INVS: variants seen among roughly 807,000 people sequenced by gnomAD.
INVS encodes inversion of embryo turning homolog.
A neutral mutation model predicts 108.8 loss-of-function variants in INVS; 86 were observed. The observed-to-expected ratio is 0.79, with a 90% CI of 0.66 to 0.95. INVS has a LOEUF of 0.95. Among genes scored for constraint, INVS ranks in the 40% least tolerant of loss-of-function variants. The probability of loss-of-function intolerance (pLI) is 0.00; values close to 1 mark genes in which losing one functional copy is unlikely to be tolerated. For synonymous variants in INVS, 455 were observed against 473.5 expected (o/e 0.96, Z 0.51); for missense variants, 1,169 against 1,297.4 (o/e 0.90, Z 1.52).
chr9:100,253,169 C>T, intron 10 of INVS, 33 bp downstream of exon 10: 1 of 1,514,218 alleles, frequency 6.6e-7, no homozygotes, highest in African/African-American at 1.4e-5. Context: ...ATTGTTTGCT[C>T]CAAAGAATTT....
chr9:100,195,071 G>T (rs1830332235), intron 3 of INVS, among the ~76,000 whole-genome samples: 1 of 152,280 alleles, frequency 6.6e-6, no homozygotes, highest in Admixed American at 6.5e-5. Context: ...TAGTGTCCCT[G>T]CTGCGCCTGC....
At chr9:100,289,538 C>A (rs997443502) in intron 13 of INVS, among the ~76,000 whole-genome samples, 1 of 152,244 alleles carries the variant, frequency 6.6e-6, no homozygotes, top group Admixed American at 6.5e-5. Context: ...TTCCTCTTCT[C>A]GATCACCTGG....
At chr9:100,212,418 T>C (rs1157480765) in intron 3 of INVS, among the ~76,000 whole-genome samples, 1 of 152,214 alleles carries the variant, frequency 6.6e-6, no homozygotes, top group Non-Finnish European at 1.5e-5. Flanking sequence ...ACTATTAATA[T>C]AGATGCCTCA....
chr9:100,132,646 A>T (rs1490428344), intron 3 of INVS, among the ~76,000 whole-genome samples: 1 of 152,228 alleles, frequency 6.6e-6, no homozygotes, highest in African/African-American at 2.4e-5. Context: ...GATGTCAGAG[A>T]TAGAAAGGCT....
intron 3 of INVS, chr9:100,130,702 T>C (rs1426682187): frequency 6.6e-6 from 1 of 152,188 alleles, no homozygotes; most frequent in African/African-American, 2.4e-5. Flanking sequence ...TGCAGAAGTG[T>C]GCTATTTATG....
intron 3 of INVS, among the ~76,000 whole-genome samples, chr9:100,149,361 A>G (rs1351036298): frequency 6.6e-6 from 1 of 152,186 alleles, no homozygotes; most frequent in African/African-American, 2.4e-5. Context: ...CTTATGTCCT[A>G]GAATCTTAAG....
At chr9:100,143,612 G>T (rs73505783) in intron 3 of INVS, among the ~76,000 whole-genome samples, 31,720 of 151,908 alleles carry the variant, frequency 0.21, 5,619 homozygotes, top group African/African-American at 0.49. Context: ...ATGAGGTGTG[G>T]CTGTAGCCCA....
Position 100,229,919 on chromosome 9 carries a change from A to G in INVS, c.615+92A>G, listed in dbSNP as rs919950152. 1.1e-5 allele frequency: 13 copies of G among 1,231,748 alleles called. No homozygotes were observed. In the African/African-American group the frequency reaches 2.0e-4, roughly 19 times the overall value. 76.3% of individuals were successfully genotyped at this position (1,231,748 alleles called of 1,614,324 possible). ...ATACAAAAGTGTATATTTGACGTAC[A>G]AGCAAATTATTAAGCAAAAGAATAC... is the stretch of plus-strand genomic sequence containing the variant. On this transcript the variant is annotated intron_variant, in intron 5 of 16. Coordinates refer to ENST00000262457, the MANE Select transcript of INVS (RefSeq NM_014425.5).
At chr9:100,151,621 A>T (rs1398012799) in intron 3 of INVS, among the ~76,000 whole-genome samples, 1 of 152,224 alleles carries the variant, frequency 6.6e-6, no homozygotes, top group East Asian at 1.9e-4. Flanking sequence ...ACTCTGAATG[A>T]GATGAGGAGG....
chr9:100,271,622 T>C (rs1832959990), intron 11 of INVS, among the ~76,000 whole-genome samples: 2 of 152,256 alleles, frequency 1.3e-5, no homozygotes, highest in Admixed American at 1.3e-4. Context: ...ACTCTCTCTG[T>C]CCTTGCTAGT....
At position 100,126,515 on chromosome 9, in the gene INVS, G is replaced by A. The variant is rs1231356870; in HGVS notation, c.239G>A (p.Ser80Asn). 5.6e-6 allele frequency: 9 copies of A among 1,614,162 alleles called. No individual in the cohort carries two copies. The highest frequency in any genetic ancestry group is 7.6e-6 in the Non-Finnish European group (9 of 1,180,024). ...AGADVNKTDH[S>N]QRTALHLAAQ... ...GCAGATGTGAATAAAACTGACCATA[G>A]CCAGAGAACAGCCCTCCATCTTGCA... is the stretch of plus-strand genomic sequence containing the variant. The change falls in exon 3 of 17, where the codon AGC becomes AAC. Residue 80 changes from serine (S) to asparagine (N), a missense_variant. Around this residue, in one of 3 missense-constraint regions of INVS, gnomAD observed 365 missense variants for 397.5 expected, o/e 0.92. Transcript: ENST00000262457.
chr9:100,202,102 T>TA (rs1002055812), intron 3 of INVS, among the ~76,000 whole-genome samples: 4 of 152,052 alleles, frequency 2.6e-5, no homozygotes, highest in African/African-American at 9.6e-5. Flanking sequence ...GTTTTTTTTT[T>TA]TTTATTTTGA....
chr9:100,156,257 C>CTT (rs931919205), intron 3 of INVS, among the ~76,000 whole-genome samples: 20,967 of 124,566 alleles, frequency 0.17, 3,230 homozygotes, highest in African/African-American at 0.41. Flanking sequence ...GTTAGGAATA[C>CTT]TTTTTTTTTT....
Position 100,264,814 on chromosome 9 carries a change from G to A in INVS, c.1465-8G>A, listed in dbSNP as rs370130702. The stretch of plus-strand genomic sequence containing the variant: ...CCAGATGTACTTGATTTTTGTTTAT[G>A]CTTATAGGGAAGAACAGCTTTGCAT... On this transcript the variant is annotated splice_polypyrimidine_tract_variant and splice_region_variant and intron_variant, in intron 10 of 16. Coordinates refer to ENST00000262457, the MANE Select transcript of INVS (RefSeq NM_014425.5). 1.6e-5 allele frequency: 26 copies of A among 1,596,352 alleles called. No homozygotes were observed. The highest frequency in any genetic ancestry group is 2.7e-5 in the African/African-American group (2 of 74,504).
At chr9:100,192,248 AGTGTGTGTGTGT>A (rs58132596) in intron 3 of INVS, among the ~76,000 whole-genome samples, 17 of 145,016 alleles carry the variant, frequency 1.2e-4, no homozygotes, top group East Asian at 1.0e-3. Flanking sequence ...GGGAAAAAAG[AGTGTGTGTGTGT>A]GTGTGTGTGT....
intron 10 of INVS, among the ~76,000 whole-genome samples, chr9:100,258,762 T>C (rs899151640): frequency 3.3e-5 from 5 of 152,226 alleles, no homozygotes; most frequent in Non-Finnish European, 5.9e-5. Context: ...TGTTGCCGCC[T>C]GATCCTTCCT....
At chr9:100,231,361 T>A (rs1831506684) in intron 5 of INVS, among the ~76,000 whole-genome samples, 1 of 146,686 alleles carries the variant, frequency 6.8e-6, no homozygotes, top group South Asian at 2.1e-4. Context: ...GTTCTTAGAT[T>A]TTTTTTATTA....
chr9:100,100,660 TATATTA>T (rs1225753712), intron 1 of INVS, among the ~76,000 whole-genome samples: 1 of 47,562 alleles, frequency 2.1e-5, no homozygotes, highest in Non-Finnish European at 3.4e-5. Context: ...ATATAATATA[TATATTA>T]TATATGTACA....
chr9:100,259,951 A>G (rs1832563756), intron 10 of INVS, among the ~76,000 whole-genome samples: 1 of 151,532 alleles, frequency 6.6e-6, no homozygotes, highest in Non-Finnish European at 1.5e-5. Context: ...TGCCCATTGC[A>G]ACTTCTGCCT....
Sources: allele counts gnomAD v4.1 joint callset (sites outside exome capture counted in the v4.1 genomes callset), GRCh38; gene constraint gnomAD v4.1.1; regional missense constraint gnomAD v4.1.1; transcripts MANE v1.5; gene names NCBI Gene and HGNC (gene_info 2026-07-23, HGNC 2026-07-21).